The following DLG1 variants were observed in gnomAD, a reference collection of about 807,000 sequenced individuals.
DLG1 encodes the protein disks large homolog 1.
In DLG1, 42 loss-of-function variants were observed where a neutral mutation model predicts 123.4. That is an observed-to-expected ratio of 0.34 (90% CI 0.27 to 0.44). The LOEUF (loss-of-function observed/expected upper bound fraction) is 0.44. Ranked by LOEUF, DLG1 falls within the 20% of genes least tolerant of loss-of-function variation. The pLI, the probability that DLG1 is intolerant of heterozygous loss-of-function variation, is 1.00. For missense variants in DLG1, 942 were observed against 1,082.6 expected, an observed-to-expected ratio of 0.87 and a Z score of 1.82; for synonymous variants, 317 against 356.2, an observed-to-expected ratio of 0.89 and a Z score of 1.24.
At chr3:197,293,253 T>C (rs1022277323) in intron 3 of DLG1, among the ~76,000 whole-genome samples, 3 of 152,230 alleles carry the variant, frequency 2.0e-5, no homozygotes, top group Admixed American at 1.3e-4. Context: ...TTTGTTAAGA[T>C]ACAACTTTAA....
chr3:197,168,996 T>G (rs1345356979), intron 5 of DLG1, among the ~76,000 whole-genome samples: 1 of 152,264 alleles, frequency 6.6e-6, no homozygotes, highest in African/African-American at 2.4e-5. Context: ...TGGATGGCTA[T>G]CTGAACAAAT....
chr3:197,190,025 GAATA>G (rs1170332937), intron 5 of DLG1, among the ~76,000 whole-genome samples: 7 of 151,996 alleles, frequency 4.6e-5, no homozygotes, highest in African/African-American at 1.7e-4. Flanking sequence ...ATCATTGTCA[GAATA>G]AACAAAAAGC....
At chr3:197,171,926 G>C (rs1382068338) in intron 5 of DLG1, among the ~76,000 whole-genome samples, 1 of 152,074 alleles carries the variant, frequency 6.6e-6, no homozygotes, top group Non-Finnish European at 1.5e-5. Flanking sequence ...ATGCTTCCCA[G>C]TAATCAGATT....
intron 4 of DLG1, among the ~76,000 whole-genome samples, chr3:197,233,201 TA>T (rs529690768): frequency 2.3e-3 from 347 of 152,184 alleles, no homozygotes; most frequent in African/African-American, 7.8e-3. Context: ...TTTAAAAGCA[TA>T]AAAAATTTAG....
chr3:197,143,219 A>G (rs926961090), intron 6 of DLG1, among the ~76,000 whole-genome samples: 4 of 151,970 alleles, frequency 2.6e-5, no homozygotes, highest in Non-Finnish European at 4.4e-5. Flanking sequence ...AGTATTCCCC[A>G]CTGCCCAAAT....
intron 4 of DLG1, among the ~76,000 whole-genome samples, chr3:197,245,305 G>A (rs768043414): frequency 3.3e-5 from 5 of 152,100 alleles, no homozygotes; most frequent in Non-Finnish European, 7.4e-5. Context: ...TAACTACATT[G>A]TTGGTGGTTG....
rs753878984 is a variant in DLG1 at position 197,043,639 on chromosome 3, TAAAG to T, written c.*980_*983del. The stretch of plus-strand genomic sequence containing the variant: ...GAAAATAATTCCCATAGTTACAGTT[TAAAG>T]AAAGTTTTATATATATATTTATATA... On this transcript the variant is annotated 3_prime_UTR_variant, in exon 25 of 25. Coordinates refer to ENST00000667157, the MANE Select transcript of DLG1 (RefSeq NM_001366207.1). 1.8e-4 allele frequency: 27 copies of T among 151,042 alleles called. No individual in the cohort carries two copies. The highest frequency in any genetic ancestry group is 4.0e-4 in the Admixed American group (6 of 15,166). 9.4% of individuals were successfully genotyped at this position (151,042 alleles called of 1,614,324 possible).
At chr3:197,080,320 C>T (rs1375597793) in intron 17 of DLG1, among the ~76,000 whole-genome samples, 1 of 124,736 alleles carries the variant, frequency 8.0e-6, no homozygotes, top group African/African-American at 3.1e-5. Context: ...ACTCTGTCAC[C>T]CAGGCTGGAG....
intron 3 of DLG1, among the ~76,000 whole-genome samples, chr3:197,292,485 T>C (rs1775425355): frequency 6.6e-6 from 1 of 152,222 alleles, no homozygotes; most frequent in Non-Finnish European, 1.5e-5. Context: ...TTATTCGGTA[T>C]AGGATTTCAG....
chr3:197,156,659 T>C (rs990041545), intron 5 of DLG1, among the ~76,000 whole-genome samples: 4 of 151,994 alleles, frequency 2.6e-5, no homozygotes, highest in African/African-American at 9.7e-5. Context: ...GTGGCTGTAC[T>C]CATAACAGAC....
intron 4 of DLG1, among the ~76,000 whole-genome samples, chr3:197,227,428 T>C (rs909425984): frequency 1.3e-5 from 2 of 151,854 alleles, no homozygotes; most frequent in African/African-American, 2.4e-5. Flanking sequence ...TGAACCGAGA[T>C]TGCGCCACTG....
At chr3:197,085,807 A>G (rs1294820373) in intron 15 of DLG1, 51 bp from the exon 16 acceptor site, 3 of 1,532,168 alleles carry the variant, frequency 2.0e-6, no homozygotes, top group Non-Finnish European at 2.7e-6. Context: ...ATATTAATCA[A>G]CATATCATAG....
chr3:197,071,230 A>AG (rs1743708751), intron 18 of DLG1, among the ~76,000 whole-genome samples: 1 of 152,102 alleles, frequency 6.6e-6, no homozygotes. Flanking sequence ...GGGTGAAGGG[A>AG]GGGGAGTGTA....
At chr3:197,136,379 A>C in intron 10 of DLG1, 163 bp downstream of exon 10, 1 of 566,990 alleles carries the variant, frequency 1.8e-6, no homozygotes, top group Non-Finnish European at 3.0e-6. Context: ...ATGACAAATA[A>C]AGAATTACCA....
In DLG1 at chr3:197,153,752, T is replaced by C. The variant is rs111831875; in HGVS notation, c.484-3956A>G. Reference sequence around the variant, plus strand: ...AACCAACCACATGTATGGAGGAAATTAGAAAGTCACTGTGCATGCCCAGGG... The same window carrying C: ...AACCAACCACATGTATGGAGGAAATCAGAAAGTCACTGTGCATGCCCAGGG... On this transcript the variant is annotated intron_variant, in intron 5 of 24. Coordinates refer to ENST00000667157, the MANE Select transcript of DLG1 (RefSeq NM_001366207.1). Among the ~76,000 whole-genome samples, 1,337 of 152,188 alleles carry C rather than the reference T, an allele frequency of 8.8e-3. 21 individuals carry two copies. Among genetic ancestry groups the C allele is most frequent in the African/African-American group, 0.029 (1,201 of 41,510 alleles).
intron 5 of DLG1, among the ~76,000 whole-genome samples, chr3:197,189,527 C>T (rs1167604556): frequency 1.3e-5 from 2 of 152,038 alleles, no homozygotes; most frequent in South Asian, 2.1e-4. Context: ...ATCAGACAGC[C>T]AGCAAACCAA....
At chr3:197,090,842 T>C (rs1757361512) in intron 15 of DLG1, 70 bp downstream of exon 15, 1 of 937,198 alleles carries the variant, frequency 1.1e-6, no homozygotes, top group Non-Finnish European at 1.6e-6. Context: ...TAAGTTATAG[T>C]GAAAAATACA....
chr3:197,213,085 A>C (rs909190379), intron 4 of DLG1, among the ~76,000 whole-genome samples: 1 of 152,198 alleles, frequency 6.6e-6, no homozygotes, highest in Non-Finnish European at 1.5e-5. Flanking sequence ...GAGAAATAAA[A>C]ATATATGTCC....
intron 23 of DLG1, among the ~76,000 whole-genome samples, chr3:197,059,492 T>A (rs1734267011): frequency 6.6e-6 from 1 of 152,240 alleles, no homozygotes; most frequent in Non-Finnish European, 1.5e-5. Flanking sequence ...TGGTTCTGCC[T>A]CACATTCTGT....
Sources: gnomAD v4.1 joint callset for allele counts (sites outside exome capture counted in the v4.1 genomes callset) on GRCh38, gnomAD v4.1.1 for gene constraint, MANE v1.5 for transcripts, NCBI Gene and HGNC (gene_info 2026-07-23, HGNC 2026-07-21) for gene names.